The following KATNIP variants were observed in gnomAD, a reference collection of about 807,000 sequenced individuals.
KATNIP encodes katanin interacting protein, also known as katanin-interacting protein.
Under a neutral mutation model 174.0 loss-of-function variants are expected in KATNIP, and 126 were observed. The ratio of observed to expected loss-of-function variants is 0.72; its 90% CI spans 0.63 to 0.84. KATNIP has a LOEUF of 0.84. Among genes scored for constraint, KATNIP ranks in the 40% least tolerant of loss-of-function variants. The pLI, the probability that KATNIP is intolerant of heterozygous loss-of-function variation, is 0.00. For missense variants in KATNIP, 1,958 were observed against 2,109.7 expected (o/e 0.93, Z 1.41); for synonymous variants, 810 against 835.7 (o/e 0.97, Z 0.53).
At chr16:27,743,107 G>T (rs896950386) in intron 15 of KATNIP, among the ~76,000 whole-genome samples, 1 of 152,160 alleles carries the variant, frequency 6.6e-6, no homozygotes, top group African/African-American at 2.4e-5. Context: ...AGAACATGTG[G>T]TGTTTGGTTT....
At chr16:27,611,192 G>A (rs2075878270) in intron 2 of KATNIP, among the ~76,000 whole-genome samples, 1 of 152,172 alleles carries the variant, frequency 6.6e-6, no homozygotes, top group South Asian at 2.1e-4. Flanking sequence ...AGTCTATACA[G>A]GCAAGTTGGT....
chr16:27,682,787 C>T (rs904066321), intron 8 of KATNIP, among the ~76,000 whole-genome samples: 2 of 152,048 alleles, frequency 1.3e-5, no homozygotes, highest in African/African-American at 4.8e-5. Flanking sequence ...GAGGTGGGCC[C>T]TTTAAGATGT....
chr16:27,732,038 AAC>A (rs1037479750), intron 14 of KATNIP, among the ~76,000 whole-genome samples: 4 of 152,222 alleles, frequency 2.6e-5, no homozygotes, highest in Admixed American at 1.3e-4. Flanking sequence ...TAAATTTTTC[AAC>A]AGAGGCCAGA....
intron 16 of KATNIP, among the ~76,000 whole-genome samples, chr16:27,750,633 C>T (rs2081475272): frequency 6.7e-6 from 1 of 148,704 alleles, no homozygotes; most frequent in African/African-American, 2.5e-5. Context: ...AGGGTTTCAC[C>T]ATGTTAGCCA....
intron 8 of KATNIP, among the ~76,000 whole-genome samples, chr16:27,686,010 G>A (rs2078510348): frequency 6.6e-6 from 1 of 152,194 alleles, no homozygotes; most frequent in Admixed American, 6.5e-5. Flanking sequence ...CTCCAGTGTG[G>A]GAAAAATCAC....
intron 6 of KATNIP, among the ~76,000 whole-genome samples, chr16:27,649,217 C>T (rs537844855): frequency 5.9e-5 from 9 of 152,350 alleles, no homozygotes; most frequent in East Asian, 3.9e-4. Context: ...ACCCGCAGGG[C>T]GGCAGGAGCC....
In KATNIP at chr16:27,708,890, G is replaced by T. The variant is rs746365966; in HGVS notation, c.1575G>T (p.Glu525Asp). The change falls in exon 13 of 28, where the codon GAG (glutamate) becomes GAT (aspartate). Residue 525 changes from glutamate to aspartate, a missense_variant. Physicochemically the swap from Glu to Asp is conservative, Grantham distance 45. Transcript: ENST00000261588. Reference protein sequence around the residue: ...VDIRNTATPGELGRLVNRNLA... With the variant: ...VDIRNTATPGDLGRLVNRNLA... ...TCCGGAACACAGCCACGCCTGGGGA[G>T]CTGGGCCGCCTCGTCAACAGGAACT... The T allele has an allele frequency of 6.2e-7, 1 of 1,613,508 alleles. No individual in the cohort carries two copies. Among genetic ancestry groups the T allele is most frequent in the Non-Finnish European group, 8.5e-7 (1 of 1,179,906 alleles).
intron 2 of KATNIP, among the ~76,000 whole-genome samples, chr16:27,615,332 TTTATTA>T (rs1039359833): frequency 6.7e-6 from 1 of 150,192 alleles, no homozygotes; most frequent in East Asian, 1.9e-4. Context: ...GGGAATCTTT[TTTATTA>T]TTATTATTTT....
intron 3 of KATNIP, among the ~76,000 whole-genome samples, chr16:27,621,039 T>C (rs760263147): frequency 1.3e-5 from 2 of 152,142 alleles, no homozygotes; most frequent in Non-Finnish European, 2.9e-5. Context: ...TGGCTTCTGC[T>C]TGTAACCCCA....
rs182734000 is a variant in KATNIP, at chr16:27,767,918, C to G, written c.3975+1444C>G. On this transcript the variant is annotated intron_variant, in intron 20 of 27. Coordinates refer to ENST00000261588, the MANE Select transcript of KATNIP (RefSeq NM_015202.5). The stretch of plus-strand genomic sequence containing the variant: ...CAGATATATTGACATTAAAAAACAG[C>G]CTTCTGCCTCAAGTTGTGCCTTTGG... Among the ~76,000 whole-genome samples, 172 of 152,312 alleles carry G rather than the reference C, an allele frequency of 1.1e-3. 2 individuals are homozygous for G. Among genetic ancestry groups the G allele is most frequent in the African/African-American group, 3.9e-3 (162 of 41,556 alleles).
chr16:27,651,564 A>C (rs1222501872), intron 6 of KATNIP, among the ~76,000 whole-genome samples: 2 of 152,200 alleles, frequency 1.3e-5, no homozygotes, highest in African/African-American at 2.4e-5. Flanking sequence ...GTTGAAACAC[A>C]CCAGCCTCTC....
At position 27,655,084 on chromosome 16, in the gene KATNIP, G is replaced by A. The variant is rs1333648331; in HGVS notation, c.540+6349G>A. Among the ~76,000 whole-genome samples the A allele has an allele frequency of 2.7e-5, 4 of 150,728 alleles. No homozygotes were observed. The East Asian group carries it at 7.8e-4, about 30-fold the overall frequency. On this transcript the variant is annotated intron_variant, in intron 6 of 27. Transcript: ENST00000261588. Reference sequence around the variant, plus strand: ...TTCAAGGTTGCAGTGAGCTATGATTGTGCTACTGCATGTCTGCCTGGATGA... The same window carrying A: ...TTCAAGGTTGCAGTGAGCTATGATTATGCTACTGCATGTCTGCCTGGATGA...
chr16:27,626,270 G>A (rs1198341141), intron 3 of KATNIP, among the ~76,000 whole-genome samples: 1 of 146,790 alleles, frequency 6.8e-6, no homozygotes, highest in African/African-American at 2.5e-5. Context: ...CTGTGTAATA[G>A]CAGCTTCCAC....
chr16:27,588,234 C>A (rs1361726089), intron 2 of KATNIP, among the ~76,000 whole-genome samples: 2 of 151,760 alleles, frequency 1.3e-5, no homozygotes, highest in Non-Finnish European at 2.9e-5. Flanking sequence ...GAAATAGGAC[C>A]ATACTAAGGG....
chr16:27,646,336 C>T (rs1398712918), intron 5 of KATNIP, among the ~76,000 whole-genome samples: 1 of 152,160 alleles, frequency 6.6e-6, no homozygotes, highest in African/African-American at 2.4e-5. Flanking sequence ...GAAGAGAGCA[C>T]CTCTTTCCCA....
chr16:27,576,305 A>G (rs1459394061), intron 2 of KATNIP, among the ~76,000 whole-genome samples: 1 of 152,138 alleles, frequency 6.6e-6, no homozygotes, highest in Admixed American at 6.5e-5. Flanking sequence ...GCTTGTAGTG[A>G]GAAACAGAGA....
intron 15 of KATNIP, among the ~76,000 whole-genome samples, chr16:27,742,627 G>C (rs140524674): frequency 6.6e-6 from 1 of 152,280 alleles, no homozygotes; most frequent in African/African-American, 2.4e-5. Flanking sequence ...TGCTGAGCCT[G>C]TTTCCTCCTC....
intron 2 of KATNIP, among the ~76,000 whole-genome samples, chr16:27,601,457 C>T (rs1366160105): frequency 1.3e-5 from 2 of 151,890 alleles, no homozygotes; most frequent in Non-Finnish European, 2.9e-5. Context: ...AGGCAATGAC[C>T]TTTATTTATT....
intron 2 of KATNIP, among the ~76,000 whole-genome samples, chr16:27,587,141 C>T (rs779781568): frequency 6.6e-6 from 1 of 152,080 alleles, no homozygotes; most frequent in East Asian, 1.9e-4. Context: ...CGTCAGTTTC[C>T]TCAGCTGCAG....
Sources: gnomAD v4.1 joint callset for allele counts (sites outside exome capture counted in the v4.1 genomes callset) on GRCh38, gnomAD v4.1.1 for gene constraint, MANE v1.5 for transcripts, NCBI Gene and HGNC (gene_info 2026-07-23, HGNC 2026-07-21) for gene names.